The following KCNK4 variants were observed in gnomAD, a reference collection of about 807,000 sequenced individuals.
KCNK4 encodes potassium two pore domain channel subfamily K member 4, also known as potassium channel subfamily K member 4.
Under a neutral mutation model 28.8 loss-of-function variants are expected in KCNK4, and 22 were observed. The observed-to-expected ratio is 0.76, with a 90% confidence interval of 0.55 to 1.09. KCNK4 has a LOEUF of 1.09. KCNK4 is among the 50% of genes least tolerant of loss of function. The probability of loss-of-function intolerance (pLI) is 0.00; values close to 1 mark genes in which losing one functional copy is unlikely to be tolerated. For synonymous variants in KCNK4, 263 were observed against 252.9 expected, an observed-to-expected ratio of 1.04 and a Z score of -0.38; for missense variants, 483 against 546.3, an observed-to-expected ratio of 0.88 and a Z score of 1.15.
intron 1 of KCNK4, chr11:64,291,994 C>T (rs1382391612): frequency 1.1e-5 from 13 of 1,172,618 alleles, no homozygotes; most frequent in Non-Finnish European, 1.4e-5. Context: ...TGCGCGGTGG[C>T]CCTGCTGTCT....
intron 2 of KCNK4, chr11:64,296,156 T>C (rs1240661100): frequency 6.6e-6 from 1 of 152,144 alleles, no homozygotes; most frequent in Non-Finnish European, 1.5e-5. Context: ...ATAATACTTA[T>C]TGAGAGGTGC....
At chr11:64,295,883 G>C (rs2034753241) in intron 2 of KCNK4, among the ~76,000 whole-genome samples, 1 of 152,034 alleles carries the variant, frequency 6.6e-6, no homozygotes, top group Non-Finnish European at 1.5e-5. Context: ...CACCATTCTG[G>C]TACCTTGACA....
At chr11:64,293,842 C>A (rs2034700707) in intron 2 of KCNK4, among the ~76,000 whole-genome samples, 1 of 152,128 alleles carries the variant, frequency 6.6e-6, no homozygotes, top group African/African-American at 2.4e-5. Flanking sequence ...CTCAAGTGAT[C>A]CACCCGCCTC....
intron 2 of KCNK4, among the ~76,000 whole-genome samples, chr11:64,295,737 G>A (rs1454362572): frequency 6.6e-6 from 1 of 152,050 alleles, no homozygotes; most frequent in Non-Finnish European, 1.5e-5. Context: ...CTGGTCTGGG[G>A]TGTTTAGGCC....
chr11:64,292,504 C>T (rs1404213149), intron 1 of KCNK4, among the ~76,000 whole-genome samples: 1 of 152,190 alleles, frequency 6.6e-6, no homozygotes, highest in Non-Finnish European at 1.5e-5. Flanking sequence ...AGCAGGGACC[C>T]ACCATTCCCC....
intron 2 of KCNK4, among the ~76,000 whole-genome samples, chr11:64,294,242 G>T (rs1345300417): frequency 6.6e-6 from 1 of 152,110 alleles, no homozygotes; most frequent in East Asian, 1.9e-4. Context: ...TGTTGGCCGG[G>T]CACGGTGGCT....
In KCNK4 at chr11:64,297,560, G is replaced by C. The variant is rs749304901; in HGVS notation, c.568G>C (p.Val190Leu). 6.2e-7 allele frequency: 1 copy of C among 1,614,176 alleles called. No individual in the cohort carries two copies. ...GCTCTTTGTCCTCACGCCCACGTTCGTGTTCTGCTATATGGAGGACTGGAG... is the reference window on the plus strand; with the variant it reads ...GCTCTTTGTCCTCACGCCCACGTTCCTGTTCTGCTATATGGAGGACTGGAG... ...CLLFVLTPTF[V>L]FCYMEDWSKL... is the part of the protein sequence containing the mutation. Residue 190 changes from valine (V) to leucine (L), a missense_variant, in exon 5 of 7, where the codon GTG becomes CTG. By Grantham distance (32) the Val-to-Leu change is conservative (BLOSUM62 1). Coordinates refer to ENST00000422670, the MANE Select transcript of KCNK4 (RefSeq NM_033310.3).
chr11:64,292,065 G>T, intron 1 of KCNK4: 10 of 1,127,294 alleles, frequency 8.9e-6, no homozygotes, highest in Non-Finnish European at 1.1e-5. Context: ...TGGCGCGGCC[G>T]GCACGCCCAT....
intron 6 of KCNK4, among the ~76,000 whole-genome samples, chr11:64,298,871 T>C (rs1312860420): frequency 6.6e-6 from 1 of 151,192 alleles, no homozygotes; most frequent in African/African-American, 2.4e-5. Context: ...TGAAACCCCG[T>C]CTCTACTAAA....
In KCNK4 at chr11:64,294,377, G is replaced by A. The variant is rs1054198156; in HGVS notation, c.189+1170G>A. Reference sequence around the variant, plus strand: ...TACTAAAAATACAAAAATTAGCCGGGTGTGGTGGTGCATGCCTGTGGTCCC... The same window carrying A: ...TACTAAAAATACAAAAATTAGCCGGATGTGGTGGTGCATGCCTGTGGTCCC... On this transcript the variant is annotated intron_variant, in intron 2 of 6. Transcript: ENST00000422670. Among the ~76,000 whole-genome samples the A allele has an allele frequency of 2.1e-4, 32 of 152,050 alleles. 1 individual carries two copies. The highest frequency in any genetic ancestry group is 6.3e-4 in the African/African-American group (26 of 41,472).
chr11:64,293,754 C>A (rs2034698540), intron 2 of KCNK4, among the ~76,000 whole-genome samples: 1 of 152,066 alleles, frequency 6.6e-6, no homozygotes, highest in South Asian at 2.1e-4. Context: ...GGATTCATCA[C>A]CACACCCGGC....
chr11:64,296,777 G>A (rs2034773938), intron 2 of KCNK4, 101 bp from the exon 3 acceptor site: 10 of 1,260,422 alleles, frequency 7.9e-6, no homozygotes, highest in Non-Finnish European at 1.1e-5. Context: ...GGAGAACAGG[G>A]AGGAGCAGGG....
chr11:64,292,150 G>C, intron 1 of KCNK4: 1 of 952,606 alleles, frequency 1.0e-6, no homozygotes, highest in Non-Finnish European at 1.3e-6. Context: ...GCGCGGCGCT[G>C]CAGCCTCGGG....
At chr11:64,298,604 C>G (rs768246251) in intron 6 of KCNK4, among the ~76,000 whole-genome samples, 2 of 152,058 alleles carry the variant, frequency 1.3e-5, no homozygotes, top group Non-Finnish European at 2.9e-5. Flanking sequence ...ATCGCTTGAG[C>G]CAGGGGAGGT....
chr11:64,299,347 TG>T lies in KCNK4; in HGVS notation c.806del (p.Gly269AlafsTer14). On this transcript the variant is annotated frameshift_variant and splice_region_variant, in exon 7 of 7. Coordinates refer to ENST00000422670, the MANE Select transcript of KCNK4 (RefSeq NM_033310.3). LOFTEE classifies it low-confidence loss of function (END_TRUNC). ...GGGCTGCTTTCCCTCTCCGTGCAGA[TG>T]GGCGGCCTCACGGCTCAGGCTGCCA... Reference protein sequence around the residue: ...RVVSRRTRAEMGGLTAQAASW... With the variant: ...RVVSRRTRAEXGGLTAQAASW... 6.4e-7 allele frequency: 1 copy of T among 1,553,040 alleles called. No individual in the cohort carries two copies.
chr11:64,293,136 G>T lies in KCNK4; in HGVS notation c.118G>T (p.Gly40Trp). The change falls in exon 2 of 7, where the codon GGG becomes TGG. Residue 40 changes from glycine to tryptophan, a missense_variant. Physicochemically the swap from Gly to Trp is radical, Grantham distance 184. Transcript: ENST00000422670. ...PHEQQAQREL[G>W]EVREKFLRAH... The stretch of plus-strand genomic sequence containing the variant: ...CGAGCAGCAGGCCCAGAGGGAGCTG[G>T]GGGAGGTCCGAGAGAAGTTCCTGAG... 1 of 1,540,878 alleles carries T rather than the reference G, an allele frequency of 6.5e-7. No individual in the cohort carries two copies. The highest frequency in any genetic ancestry group is 8.8e-7 in the Non-Finnish European group (1 of 1,141,626).
chr11:64,292,861 T>C, intron 1 of KCNK4, 81 bp from the exon 2 acceptor site: 2 of 1,358,998 alleles, frequency 1.5e-6, no homozygotes, highest in Non-Finnish European at 1.9e-6. Flanking sequence ...TTATGGATCT[T>C]TGGGTGTGTA....
At position 64,293,141 on chromosome 11, in the gene KCNK4, G is replaced by A. The variant is rs1352815377; in HGVS notation, c.123G>A (p.Glu41=). The A allele has an allele frequency of 6.5e-7, 1 of 1,538,226 alleles. No homozygotes were observed. Among genetic ancestry groups the A allele is most frequent in the Non-Finnish European group, 8.8e-7 (1 of 1,140,166 alleles). The change falls in exon 2 of 7, where the codon GAG becomes GAA. Residue 41 remains glutamate (E), a synonymous_variant. Coordinates refer to ENST00000422670, the MANE Select transcript of KCNK4 (RefSeq NM_033310.3). ...AGCAGGCCCAGAGGGAGCTGGGGGA[G>A]GTCCGAGAGAAGTTCCTGAGGGCCC... ...HEQQAQRELG[E]VREKFLRAHP... is the part of the protein sequence containing the mutation.
rs765336753 is a variant in KCNK4, at chr11:64,299,606, G to C, written c.1062G>C (p.Gln354His). ...LAFIDESSDT[Q>H]SERGCPLPRA... ...TCATCGACGAGTCCTCGGATACGCA[G>C]AGCGAGCGCGGCTGCCCGCTGCCCC... The change falls in exon 7 of 7, where the codon CAG becomes CAC. Residue 354 changes from glutamine to histidine, a missense_variant. Physicochemically the swap from Gln to His is conservative, Grantham distance 24. Coordinates refer to ENST00000422670, the MANE Select transcript of KCNK4 (RefSeq NM_033310.3). 6 of 1,609,384 alleles carry C rather than the reference G, an allele frequency of 3.7e-6. No individual in the cohort carries two copies. In the South Asian group the frequency reaches 6.6e-5, roughly 18 times the overall value.
Sources: gnomAD v4.1 joint callset for allele counts (sites outside exome capture counted in the v4.1 genomes callset) on GRCh38, gnomAD v4.1.1 for gene constraint, MANE v1.5 for transcripts, NCBI Gene and HGNC (gene_info 2026-07-23, HGNC 2026-07-21) for gene names.